Variants in KIF20B observed in about 807,000 individuals in gnomAD.
KIF20B encodes the protein kinesin-like protein KIF20B.
A neutral mutation model predicts 232.5 loss-of-function variants in KIF20B; 188 were observed. That is an observed-to-expected ratio of 0.81 (90% confidence interval 0.72 to 0.91). KIF20B has a LOEUF of 0.91. Ranked by LOEUF, KIF20B falls within the 40% of genes least tolerant of loss-of-function variation. KIF20B has a pLI of 0.00. For synonymous variants in KIF20B, 712 were observed against 683.0 expected (o/e 1.04, Z -0.66); for missense variants, 2,154 against 2,055.9 (o/e 1.05, Z -0.92).
At position 89,738,435 on chromosome 10, in the gene KIF20B, A is replaced by T. The variant is rs755760483; in HGVS notation, c.3594A>T (p.Glu1198Asp). 1 of 1,603,264 alleles carries T rather than the reference A, an allele frequency of 6.2e-7. No homozygotes were observed. The highest frequency in any genetic ancestry group is 1.7e-5 in the Admixed American group (1 of 57,588). The change falls in exon 20 of 33, where the codon GAA (glutamate) becomes GAT (aspartate). Residue 1198 changes from glutamate to aspartate, a missense_variant. By Grantham distance (45) the Glu-to-Asp change is conservative. Transcript: ENST00000371728. The part of the protein sequence containing the change: ...LEKESIILKL[E>D]RNLKEFQEHL... Reference sequence around the variant, plus strand: ...AGGAATCTATCATCTTAAAGCTAGAAAGAAATTTGAAGGAATTTCAAGAAC... The same window carrying T: ...AGGAATCTATCATCTTAAAGCTAGATAGAAATTTGAAGGAATTTCAAGAAC...
At position 89,758,994 on chromosome 10, in the gene KIF20B, G is replaced by A. The variant is rs1009716527; in HGVS notation, c.4680+112G>A. On this transcript the variant is annotated intron_variant, in intron 27 of 32. Coordinates refer to ENST00000371728, the MANE Select transcript of KIF20B (RefSeq NM_001284259.2). ...CTCAATAGACCAAAAAGGAATCAGA[G>A]TATTTAAAATGTGGAAATTTTTCAT... 14 of 579,596 alleles carry A rather than the reference G, an allele frequency of 2.4e-5. No homozygotes were observed. The African/African-American group carries it at 2.7e-4, about 11-fold the overall frequency. The allele number at this position is 579,596 out of a possible 1,614,324, so 35.9% of individuals were successfully genotyped here. A position where few individuals can be genotyped will look rare whatever the true frequency, so the allele number is the denominator to read the frequency against.
chr10:89,768,836 A>G lies in KIF20B; in HGVS notation c.5190A>G (p.Leu1730=). 2.5e-6 allele frequency: 4 copies of G among 1,609,710 alleles called. No individual in the cohort carries two copies. Among genetic ancestry groups the G allele is most frequent in the South Asian group, 1.1e-5 (1 of 90,096 alleles). Residue 1730 remains leucine, a synonymous_variant, in exon 31 of 33, where the codon CTA becomes CTG. Transcript: ENST00000371728. ...CCACTAAGAAAAAAGAAGGAACACT[A>G]CAGAAATTTGGAGACTTCTTACAAC... ...NLATKKKEGT[L]QKFGDFLQHS...
chr10:89,763,956 T>A (rs1364332757), intron 29 of KIF20B, among the ~76,000 whole-genome samples: 1 of 151,584 alleles, frequency 6.6e-6, no homozygotes, highest in Non-Finnish European at 1.5e-5. Context: ...GCAGTTTAGT[T>A]ACATATGTAT....
intron 21 of KIF20B, among the ~76,000 whole-genome samples, chr10:89,739,558 T>C (rs1841747298): frequency 1.3e-5 from 2 of 152,074 alleles, no homozygotes; most frequent in Non-Finnish European, 2.9e-5. Flanking sequence ...GCATCAAATG[T>C]TACCAATTTC....
At chr10:89,719,851 A>G (rs556154434) in intron 13 of KIF20B, 145 bp downstream of exon 13, 1 of 622,984 alleles carries the variant, frequency 1.6e-6, no homozygotes, top group Non-Finnish European at 2.8e-6. Context: ...TTTCAAACCT[A>G]TAGAAAGACT....
At chr10:89,758,673 T>C in intron 26 of KIF20B, 33 bp from the exon 27 acceptor site, 1 of 1,448,738 alleles carries the variant, frequency 6.9e-7, no homozygotes, top group Non-Finnish European at 9.2e-7. Context: ...TATATCAAGG[T>C]TGATTTTAAT....
intron 22 of KIF20B, 58 bp downstream of exon 22, chr10:89,743,985 T>G: frequency 7.2e-7 from 1 of 1,389,148 alleles, no homozygotes; most frequent in South Asian, 1.5e-5. Context: ...TATTTTAGTG[T>G]ACAAAAAGGT....
intron 23 of KIF20B, 23 bp from the exon 24 acceptor site, chr10:89,751,323 A>C: frequency 6.4e-7 from 1 of 1,573,172 alleles, no homozygotes; most frequent in Non-Finnish European, 8.6e-7. Context: ...TTAATTTCTA[A>C]AATGTTCTCC....
rs201815330 is a variant in KIF20B at position 89,749,111 on chromosome 10, AC to A, written c.4097-2233del. 4.6e-3 allele frequency among the ~76,000 whole-genome samples: 704 copies of A among 152,248 alleles called. 3 individuals carry two copies. The highest frequency in any genetic ancestry group is 0.016 in the African/African-American group (676 of 41,552). On this transcript the variant is annotated intron_variant, in intron 23 of 32. Transcript: ENST00000371728. ...TTTTATGATCTATTCTGTACTAGTT[AC>A]CACTTTTCTCTCAGAATGAGTCTCA... is the stretch of plus-strand genomic sequence containing the variant.
chr10:89,766,462 A>G (rs2133174932), intron 29 of KIF20B: 1 of 152,302 alleles, frequency 6.6e-6, no homozygotes, highest in African/African-American at 2.4e-5. Context: ...AACTAGAAAA[A>G]CCAATACAGA....
chr10:89,762,455 A>C (rs930042661), intron 28 of KIF20B, among the ~76,000 whole-genome samples, 183 bp from the exon 29 acceptor site: 1 of 152,198 alleles, frequency 6.6e-6, no homozygotes, highest in South Asian at 2.1e-4. Context: ...TAATTTTAAC[A>C]TACCATGTGT....
chr10:89,717,504 A>C lies in KIF20B; in HGVS notation c.1124+9A>C. 6.3e-7 allele frequency: 1 copy of C among 1,588,900 alleles called. No homozygotes were observed. The highest frequency in any genetic ancestry group is 8.6e-7 in the Non-Finnish European group (1 of 1,162,742). On this transcript the variant is annotated intron_variant, in intron 10 of 32. Transcript: ENST00000371728. ...GTAATTCGAGTCAGTGAGTAAGTTG[A>C]ATATTCTTTAAATTTAATTATTTGT...
intron 27 of KIF20B, among the ~76,000 whole-genome samples, chr10:89,759,381 GA>G (rs1447417442): frequency 6.6e-6 from 1 of 152,042 alleles, no homozygotes; most frequent in African/African-American, 2.4e-5. Context: ...AAAGAGGAGA[GA>G]ATTGCCTTTT....
intron 18 of KIF20B, among the ~76,000 whole-genome samples, chr10:89,731,204 GACT>G (rs1273518403): frequency 8.6e-5 from 13 of 152,038 alleles, no homozygotes; most frequent in Admixed American, 3.9e-4. Context: ...CATTTCTGGT[GACT>G]ACAACTTCAA....
At chr10:89,746,029 G>A in intron 23 of KIF20B, 70 bp downstream of exon 23, 1 of 1,104,378 alleles carries the variant, frequency 9.1e-7, no homozygotes, top group East Asian at 2.4e-5. Context: ...ATGCGATGGG[G>A]GTATGACTTG....
At position 89,752,559 on chromosome 10, in the gene KIF20B, C is replaced by A. The variant is rs1247865927; in HGVS notation, c.4223-8C>A. On this transcript the variant is annotated splice_region_variant and splice_polypyrimidine_tract_variant and intron_variant, in intron 24 of 32. Coordinates refer to ENST00000371728, the MANE Select transcript of KIF20B (RefSeq NM_001284259.2). ...GCTTTAAAACATAATTTTATGTCTT[C>A]AAATCAGAATTGGAAAAATGGAAGG... is the stretch of plus-strand genomic sequence containing the variant. 2 of 1,585,522 alleles carry A rather than the reference C, an allele frequency of 1.3e-6. No individual in the cohort carries two copies. The highest frequency in any genetic ancestry group is 1.2e-5 in the South Asian group (1 of 86,736).
chr10:89,716,657 A>T (rs2133094317), intron 9 of KIF20B, 110 bp downstream of exon 9: 2 of 646,728 alleles, frequency 3.1e-6, no homozygotes, highest in East Asian at 5.8e-5. Context: ...CTCGTGTTAA[A>T]TTCATAAGGC....
intron 25 of KIF20B, among the ~76,000 whole-genome samples, chr10:89,753,977 T>C (rs942900497): frequency 1.3e-5 from 2 of 151,976 alleles, no homozygotes; most frequent in African/African-American, 4.8e-5. Context: ...CTTGGGTTTT[T>C]TATATATATT....
intron 7 of KIF20B, 99 bp downstream of exon 7, chr10:89,714,182 T>A: frequency 1.5e-6 from 1 of 679,910 alleles, no homozygotes; most frequent in Non-Finnish European, 2.2e-6. Context: ...TTTATTTTTA[T>A]TATTAAAAAA....
Sources: allele counts gnomAD v4.1 joint callset (sites outside exome capture counted in the v4.1 genomes callset), GRCh38; gene constraint gnomAD v4.1.1; transcripts MANE v1.5; gene names NCBI Gene and HGNC (gene_info 2026-07-23, HGNC 2026-07-21).